Variants in MARCHF4 observed in about 807,000 individuals in gnomAD.
MARCHF4 encodes E3 ubiquitin-protein ligase MARCHF4.
In MARCHF4, 14 loss-of-function variants were observed where a neutral mutation model predicts 43.9. The ratio of observed to expected loss-of-function variants is 0.32; its 90% CI spans 0.21 to 0.50. MARCHF4 has a LOEUF of 0.50. Ranked by LOEUF, MARCHF4 falls within the 20% of genes least tolerant of loss-of-function variation. The probability of loss-of-function intolerance (pLI) is 0.98; values close to 1 mark genes in which losing one functional copy is unlikely to be tolerated. For synonymous variants in MARCHF4, 226 were observed against 213.3 expected (o/e 1.06, Z -0.52); for missense variants, 468 against 536.7 (o/e 0.87, Z 1.27).
chr2:216,292,101 C>T (rs1195009128), intron 1 of MARCHF4, among the ~76,000 whole-genome samples: 1 of 152,196 alleles, frequency 6.6e-6, no homozygotes, highest in Non-Finnish European at 1.5e-5. Context: ...GAGTCCCTTT[C>T]CTCTAAACCA....
At chr2:216,337,116 C>T (rs1038447808) in intron 1 of MARCHF4, among the ~76,000 whole-genome samples, 1 of 149,532 alleles carries the variant, frequency 6.7e-6, no homozygotes, top group African/African-American at 2.5e-5. Flanking sequence ...CATGCCACTG[C>T]ACTCCAGCCT....
intron 3 of MARCHF4, among the ~76,000 whole-genome samples, chr2:216,263,060 C>A (rs980612381): frequency 6.6e-6 from 1 of 152,032 alleles, no homozygotes; most frequent in Non-Finnish European, 1.5e-5. Flanking sequence ...TGAGCAGGTG[C>A]GTGAGGGTAT....
chr2:216,367,946 G>C (rs184768744), intron 1 of MARCHF4, among the ~76,000 whole-genome samples: 1 of 152,074 alleles, frequency 6.6e-6, no homozygotes, highest in East Asian at 1.9e-4. Flanking sequence ...GGAAAGGAGG[G>C]GGGGGCATGA....
intron 1 of MARCHF4, among the ~76,000 whole-genome samples, chr2:216,293,339 ATTG>A (rs1293022885): frequency 6.6e-6 from 1 of 152,138 alleles, no homozygotes; most frequent in East Asian, 1.9e-4. Flanking sequence ...GAAATAAGGC[ATTG>A]TTGCAAGATA....
intron 3 of MARCHF4, among the ~76,000 whole-genome samples, chr2:216,275,529 T>G (rs559694262): frequency 7.2e-5 from 11 of 152,240 alleles, no homozygotes; most frequent in Non-Finnish European, 1.3e-4. Flanking sequence ...GAGACCTCAC[T>G]TTTAATCCCA....
intron 3 of MARCHF4, 127 bp from the exon 4 acceptor site, chr2:216,259,806 C>T: frequency 3.2e-6 from 3 of 932,828 alleles, no homozygotes; most frequent in Non-Finnish European, 3.2e-6. Flanking sequence ...CATGGGAGGA[C>T]CATCCCTAGA....
At chr2:216,273,138 T>C (rs539989292) in intron 3 of MARCHF4, among the ~76,000 whole-genome samples, 3 of 152,342 alleles carry the variant, frequency 2.0e-5, no homozygotes, top group African/African-American at 4.8e-5. Context: ...TTGGCTTTCG[T>C]GAAGCTTCTC....
intron 1 of MARCHF4, among the ~76,000 whole-genome samples, chr2:216,293,585 AAAC>A (rs56411574): frequency 0.065 from 9,694 of 148,316 alleles, 517 homozygotes; most frequent in South Asian, 0.19. Flanking sequence ...AAAAAAAAAA[AAAC>A]AATGTAAAAA....
chr2:216,268,127 G>A (rs1018959418), intron 3 of MARCHF4, among the ~76,000 whole-genome samples: 1 of 152,208 alleles, frequency 6.6e-6, no homozygotes, highest in Non-Finnish European at 1.5e-5. Flanking sequence ...TGCTGGGGAT[G>A]CCCCACGGTC....
intron 2 of MARCHF4, 51 bp downstream of exon 2, chr2:216,283,523 G>C (rs1026615429): frequency 6.5e-7 from 1 of 1,527,902 alleles, no homozygotes. Flanking sequence ...TAAAGCAGGT[G>C]GTGTGGAAGC....
rs57716425 is a variant in MARCHF4 at position 216,344,041 on chromosome 2, C to A, written c.516+25704G>T. ...GCAGGGGAGAGGGGACTGATGGGAA[C>A]CCTGGCAAAACCATTAGCAATGTAG... On this transcript the variant is annotated intron_variant, in intron 1 of 3. Transcript: ENST00000273067. 7.6e-3 allele frequency among the ~76,000 whole-genome samples: 1,156 copies of A among 152,124 alleles called. 16 individuals carry two copies. The highest frequency in any genetic ancestry group is 0.026 in the African/African-American group (1,074 of 41,486).
chr2:216,271,495 A>G (rs1219950247), intron 3 of MARCHF4, among the ~76,000 whole-genome samples: 1 of 152,164 alleles, frequency 6.6e-6, no homozygotes, highest in Non-Finnish European at 1.5e-5. Flanking sequence ...TTATCTGTAG[A>G]CTATGAGCTC....
At chr2:216,281,517 C>G (rs755738415) in intron 2 of MARCHF4, among the ~76,000 whole-genome samples, 16 of 152,238 alleles carry the variant, frequency 1.1e-4, no homozygotes, top group Non-Finnish European at 2.4e-4. Context: ...CCATCCTACA[C>G]TGCAAATGAT....
intron 1 of MARCHF4, among the ~76,000 whole-genome samples, chr2:216,360,382 A>C (rs1370911115): frequency 6.6e-6 from 1 of 152,158 alleles, no homozygotes; most frequent in Non-Finnish European, 1.5e-5. Flanking sequence ...ATTTGCCATA[A>C]AAAGAATAGA....
intron 1 of MARCHF4, among the ~76,000 whole-genome samples, chr2:216,350,900 A>C (rs551495482): frequency 6.6e-6 from 1 of 152,246 alleles, no homozygotes; most frequent in African/African-American, 2.4e-5. Flanking sequence ...GGTACTTGAA[A>C]AATAGCTGCT....
intron 1 of MARCHF4, among the ~76,000 whole-genome samples, chr2:216,357,893 T>C (rs937524177): frequency 6.6e-6 from 1 of 152,216 alleles, no homozygotes; most frequent in African/African-American, 2.4e-5. Context: ...GTTGGGTATA[T>C]TTAGTTTCAT....
intron 2 of MARCHF4, among the ~76,000 whole-genome samples, chr2:216,279,504 T>C (rs540048546): frequency 1.2e-4 from 19 of 152,334 alleles, no homozygotes; most frequent in Admixed American, 2.6e-4. Flanking sequence ...TGGACAGATT[T>C]GCATAGCACT....
chr2:216,331,349 A>G (rs1692079273), intron 1 of MARCHF4, among the ~76,000 whole-genome samples: 1 of 152,132 alleles, frequency 6.6e-6, no homozygotes, highest in Admixed American at 6.5e-5. Context: ...AATCAATTAA[A>G]TATATAATTA....
intron 1 of MARCHF4, among the ~76,000 whole-genome samples, chr2:216,312,154 T>C (rs1691696732): frequency 6.6e-6 from 1 of 152,210 alleles, no homozygotes. Flanking sequence ...GCTTATTATT[T>C]CCACCTTTAT....
Sources: allele counts gnomAD v4.1 joint callset (sites outside exome capture counted in the v4.1 genomes callset), GRCh38; gene constraint gnomAD v4.1.1; transcripts MANE v1.5; gene names NCBI Gene and HGNC (gene_info 2026-07-23, HGNC 2026-07-21).